The following FARS2 variants were observed in gnomAD, a reference collection of about 807,000 sequenced individuals.
FARS2 encodes the protein phenylalanine--tRNA ligase, mitochondrial.
FARS2 carries 40 observed loss-of-function variants against 46.4 expected under a neutral mutation model. That is an observed-to-expected ratio of 0.86 (90% CI 0.67 to 1.12). The LOEUF is 1.12. Among genes scored for constraint, FARS2 ranks in the 50% most tolerant of loss-of-function variants. The pLI, the probability that FARS2 is intolerant of heterozygous loss-of-function variation, is 0.00. For synonymous variants in FARS2, 234 were observed against 214.9 expected (o/e 1.09, Z -0.78); for missense variants, 513 against 567.9 (o/e 0.90, Z 0.98).
intron 4 of FARS2, among the ~76,000 whole-genome samples, chr6:5,538,063 C>A (rs1242922947): frequency 6.6e-6 from 1 of 150,666 alleles, no homozygotes; most frequent in African/African-American, 2.4e-5. Flanking sequence ...CCTGCATATT[C>A]TGTCTAATTG....
intron 4 of FARS2, among the ~76,000 whole-genome samples, chr6:5,534,133 A>G (rs771780365): frequency 6.6e-6 from 1 of 152,218 alleles, no homozygotes; most frequent in Non-Finnish European, 1.5e-5. Context: ...CAATTAGTGT[A>G]TCTCAGTGTT....
chr6:5,763,767 G>GTTTTTTT (rs1561843515), intron 6 of FARS2, among the ~76,000 whole-genome samples: 1 of 23,498 alleles, frequency 4.3e-5, no homozygotes. Context: ...CTTCCCTTTT[G>GTTTTTTT]GTTTTTTTTT....
At chr6:5,256,191 T>G (rs1253797199), upstream of FARS2, among the ~76,000 whole-genome samples, 1 of 151,974 alleles carries the variant, frequency 6.6e-6, no homozygotes, top group African/African-American at 2.4e-5. Flanking sequence ...AAGACAAAAT[T>G]TAAGAATGTG....
chr6:5,337,880 G>C (rs1226872428), intron 1 of FARS2, among the ~76,000 whole-genome samples: 2 of 152,156 alleles, frequency 1.3e-5, no homozygotes, highest in Non-Finnish European at 2.9e-5. Flanking sequence ...AACTCATCCA[G>C]AGACCACAAA....
At chr6:5,462,065 C>G (rs1765272889) in intron 4 of FARS2, among the ~76,000 whole-genome samples, 1 of 152,194 alleles carries the variant, frequency 6.6e-6, no homozygotes, top group Non-Finnish European at 1.5e-5. Context: ...TCTTCACCAA[C>G]ACTTTGTATT....
chr6:5,478,078 C>G (rs1193584685), intron 4 of FARS2, among the ~76,000 whole-genome samples: 1 of 80,078 alleles, frequency 1.2e-5, no homozygotes, highest in Non-Finnish European at 2.3e-5. Flanking sequence ...CCCACCAACA[C>G]ACATACAATA....
rs900879129 is a variant in FARS2 at position 5,434,170 on chromosome 6, C to T, written c.904+2998C>T. Among the ~76,000 whole-genome samples the T allele has an allele frequency of 3.3e-5, 5 of 152,108 alleles. No homozygotes were observed. In the South Asian group the frequency reaches 6.2e-4, roughly 19 times the overall value. ...TGTTGCCCAGGCTGGAGTGAAGTGG[C>T]GTGATCTCAGCCCACTGCAACCTCT... On this transcript the variant is annotated intron_variant, in intron 4 of 6. Transcript: ENST00000274680.
chr6:5,446,449 C>T (rs1764195025), intron 4 of FARS2, among the ~76,000 whole-genome samples: 1 of 152,120 alleles, frequency 6.6e-6, no homozygotes, highest in African/African-American at 2.4e-5. Flanking sequence ...TCTTCCATCC[C>T]TGAAGCAAAC....
intron 1 of FARS2, among the ~76,000 whole-genome samples, chr6:5,264,997 A>T: frequency 7.2e-6 from 1 of 139,366 alleles, no homozygotes; most frequent in South Asian, 2.3e-4. Context: ...TAGAGATGAG[A>T]TTTCACTATG....
At chr6:5,373,923 A>C (rs1168968607) in intron 2 of FARS2, among the ~76,000 whole-genome samples, 2 of 148,946 alleles carry the variant, frequency 1.3e-5, no homozygotes, top group Non-Finnish European at 3.0e-5. Context: ...AGAAAAAAAA[A>C]CCATGACATT....
intron 2 of FARS2, among the ~76,000 whole-genome samples, chr6:5,372,535 G>A (rs1759126031): frequency 3.9e-5 from 6 of 152,134 alleles, no homozygotes; most frequent in Admixed American, 3.9e-4. Context: ...TTGCCTGCCT[G>A]ACTTCAGTGT....
intron 3 of FARS2, among the ~76,000 whole-genome samples, chr6:5,423,688 G>T (rs1272881398): frequency 6.6e-6 from 1 of 152,178 alleles, no homozygotes; most frequent in African/African-American, 2.4e-5. Flanking sequence ...TGAGAGGGAA[G>T]AGGTGGTATT....
intron 3 of FARS2, among the ~76,000 whole-genome samples, chr6:5,415,966 C>T (rs1467363644): frequency 6.6e-6 from 1 of 152,208 alleles, no homozygotes; most frequent in Non-Finnish European, 1.5e-5. Context: ...ATTGGCCTCC[C>T]AAAGTGCTGG....
intron 6 of FARS2, among the ~76,000 whole-genome samples, chr6:5,762,717 C>T (rs978373072): frequency 2.6e-5 from 4 of 152,246 alleles, no homozygotes; most frequent in Admixed American, 1.3e-4. Flanking sequence ...GCCTCTGGCC[C>T]TGCCTCCATC....
At chr6:5,304,964 C>T (rs907066245) in intron 1 of FARS2, among the ~76,000 whole-genome samples, 1 of 152,106 alleles carries the variant, frequency 6.6e-6, no homozygotes. Flanking sequence ...AGGTGGAAGT[C>T]AAAGGAGCTT....
In FARS2 at chr6:5,727,334, G is replaced by A. The variant is rs1760331884; in HGVS notation, c.1218-43957G>A. Among the ~76,000 whole-genome samples, 1 of 152,182 alleles carries A rather than the reference G, an allele frequency of 6.6e-6. No homozygotes were observed. Among genetic ancestry groups the A allele is most frequent in the African/African-American group, 2.4e-5 (1 of 41,428 alleles). On this transcript the variant is annotated intron_variant, in intron 6 of 6. Transcript: ENST00000274680. The surrounding 1 kb of genome is among the most constrained non-coding windows in gnomAD (Gnocchi z 4.1). Reference sequence around the variant, plus strand: ...TCCTCCCTTGGTCTCCTGGAACACTGCGTTTGTGCCTGTCTCACAGCGCCT... The same window carrying A: ...TCCTCCCTTGGTCTCCTGGAACACTACGTTTGTGCCTGTCTCACAGCGCCT...
In FARS2 at chr6:5,759,555, GAATGGGGAC is replaced by G. The variant is rs1364385428; in HGVS notation, c.1218-11734_1218-11726del. On this transcript the variant is annotated intron_variant, in intron 6 of 6. Transcript: ENST00000274680. ...GAATAAATGAATTGAGTGGATGCAT[GAATGGGGAC>G]AGTGATGTTAAACATCATATGTGCT... is the stretch of plus-strand genomic sequence containing the variant. 4.6e-5 allele frequency among the ~76,000 whole-genome samples: 7 copies of G among 152,152 alleles called. 1 individual carries two copies. In the South Asian group the frequency reaches 1.4e-3, roughly 31 times the overall value.
intron 6 of FARS2, among the ~76,000 whole-genome samples, chr6:5,760,688 T>C (rs1693953477): frequency 6.6e-6 from 1 of 152,240 alleles, no homozygotes. Context: ...GCAGACCAGC[T>C]GCTCTCAGCT....
intron 1 of FARS2, among the ~76,000 whole-genome samples, chr6:5,353,626 C>T (rs1757713599): frequency 6.6e-6 from 1 of 151,710 alleles, no homozygotes; most frequent in Non-Finnish European, 1.5e-5. Flanking sequence ...ATTTGCATTT[C>T]CCTGATGATT....
Sources: allele counts gnomAD v4.1 joint callset (sites outside exome capture counted in the v4.1 genomes callset), GRCh38; gene constraint gnomAD v4.1.1; non-coding constraint Gnocchi (gnomAD v3.1); transcripts MANE v1.5; gene names NCBI Gene and HGNC (gene_info 2026-07-23, HGNC 2026-07-21).